The following PTPRM variants were observed in gnomAD, a reference collection of about 807,000 sequenced individuals.
PTPRM encodes receptor-type tyrosine-protein phosphatase mu.
A neutral mutation model predicts 186.7 loss-of-function variants in PTPRM; 47 were observed. That is an observed-to-expected ratio of 0.25 (90% CI 0.20 to 0.32). The LOEUF is 0.32. PTPRM is among the 10% of genes least tolerant of loss of function. PTPRM has a pLI of 1.00. For synonymous variants in PTPRM, 668 were observed against 674.9 expected (o/e 0.99, Z 0.16); for missense variants, 1,494 against 1,865.0 (o/e 0.80, Z 3.66).
chr18:7,899,070 A>C (rs1449255134), intron 3 of PTPRM, among the ~76,000 whole-genome samples: 1 of 152,138 alleles, frequency 6.6e-6, no homozygotes, highest in Non-Finnish European at 1.5e-5. Flanking sequence ...CGCTTCTAAC[A>C]TGTGTATTTT....
chr18:7,673,582 A>G (rs1217561452), intron 1 of PTPRM, among the ~76,000 whole-genome samples: 1 of 152,226 alleles, frequency 6.6e-6, no homozygotes, highest in Non-Finnish European at 1.5e-5. Flanking sequence ...GAAAAAGATG[A>G]GAGAAAAAGG....
chr18:8,287,989 C>A lies in PTPRM; in HGVS notation c.2755-8379C>A, dbSNP rs192330475. On this transcript the variant is annotated intron_variant, in intron 19 of 32. Coordinates refer to ENST00000580170, the MANE Select transcript of PTPRM (RefSeq NM_001105244.2). ...AAGGGCACTGCAGTGAGAACAGGGG[C>A]AGATCCAAGTTCCAGAATCTTCAAA... Among the ~76,000 whole-genome samples the A allele has an allele frequency of 2.0e-5, 3 of 152,278 alleles. No homozygotes were observed. The East Asian group carries it at 5.8e-4, about 29-fold the overall frequency.
intron 9 of PTPRM, among the ~76,000 whole-genome samples, chr18:8,083,923 G>T (rs1446790776): frequency 1.3e-5 from 2 of 152,140 alleles, no homozygotes; most frequent in African/African-American, 4.8e-5. Context: ...AGTAAGTTTG[G>T]AGAAGGTGAG....
intron 23 of PTPRM, chr18:8,361,025 A>G (rs2095594335): frequency 6.6e-6 from 1 of 152,198 alleles, no homozygotes; most frequent in African/African-American, 2.4e-5. Flanking sequence ...AGGATTGGGC[A>G]GGTCATATAT....
chr18:8,333,592 T>C (rs1236354433), intron 22 of PTPRM, among the ~76,000 whole-genome samples: 2 of 152,210 alleles, frequency 1.3e-5, no homozygotes, highest in Admixed American at 6.5e-5. Flanking sequence ...TAACCCTTAT[T>C]ATAGATTATC....
At position 8,370,921 on chromosome 18, in the gene PTPRM, C is replaced by G; in HGVS notation, c.3086C>G (p.Thr1029Arg). The G allele has an allele frequency of 6.2e-7, 1 of 1,603,510 alleles. No individual in the cohort carries two copies. The highest frequency in any genetic ancestry group is 8.5e-7 in the Non-Finnish European group (1 of 1,172,402). ...TGCTGCAAATACTGGCCAGATGACA[C>G]AGAGATATATAAAGACATTAAAGTT... ...VKCCKYWPDDTEIYKDIKVTL... is the reference protein window; with the variant it reads ...VKCCKYWPDDREIYKDIKVTL... Residue 1029 changes from threonine (T) to arginine (R), a missense_variant, in exon 24 of 33, where the codon ACA (threonine) becomes AGA (arginine). Coordinates refer to ENST00000580170, the MANE Select transcript of PTPRM (RefSeq NM_001105244.2).
chr18:7,604,854 G>A (rs1244978383), intron 1 of PTPRM, among the ~76,000 whole-genome samples: 1 of 152,188 alleles, frequency 6.6e-6, no homozygotes, highest in Non-Finnish European at 1.5e-5. Context: ...TTCTAATTTA[G>A]TGTTGGATGG....
chr18:7,874,780 G>A (rs2048151182), intron 2 of PTPRM, among the ~76,000 whole-genome samples: 1 of 152,182 alleles, frequency 6.6e-6, no homozygotes, highest in South Asian at 2.1e-4. Context: ...ACCTACCTAA[G>A]GGAATAAATC....
At chr18:7,856,939 G>A (rs1188550865) in intron 2 of PTPRM, among the ~76,000 whole-genome samples, 1 of 152,184 alleles carries the variant, frequency 6.6e-6, no homozygotes, top group Non-Finnish European at 1.5e-5. Flanking sequence ...CAAAATGGGA[G>A]CATTATCTCC....
intron 13 of PTPRM, among the ~76,000 whole-genome samples, chr18:8,143,076 C>A (rs932382205): frequency 9.9e-5 from 15 of 152,166 alleles, no homozygotes; most frequent in African/African-American, 3.1e-4. Flanking sequence ...TAGAAGGAGT[C>A]TTTTGCCTAC....
chr18:8,014,200 GAA>G (rs2084713932), intron 7 of PTPRM, among the ~76,000 whole-genome samples: 1 of 151,574 alleles, frequency 6.6e-6, no homozygotes, highest in Non-Finnish European at 1.5e-5. Flanking sequence ...TCAATTTTTT[GAA>G]AAAAATTTAT....
intron 1 of PTPRM, among the ~76,000 whole-genome samples, chr18:7,753,929 C>T (rs945083586): frequency 6.6e-6 from 1 of 152,064 alleles, no homozygotes; most frequent in Admixed American, 6.6e-5. Flanking sequence ...CCTTTTCCCC[C>T]CTTCTCCACT....
intron 13 of PTPRM, among the ~76,000 whole-genome samples, chr18:8,115,611 C>A (rs191195933): frequency 6.6e-6 from 1 of 152,306 alleles, no homozygotes; most frequent in East Asian, 1.9e-4. Context: ...TCATTTAGAT[C>A]ATTGGAGTAA....
At chr18:7,884,979 G>A (rs2048712471) in intron 2 of PTPRM, among the ~76,000 whole-genome samples, 1 of 143,130 alleles carries the variant, frequency 7.0e-6, no homozygotes, top group Admixed American at 7.0e-5. Context: ...CAGATCTTGT[G>A]AGAAGAACAG....
Position 8,283,501 on chromosome 18 carries a change from C to G in PTPRM, c.2755-12867C>G, listed in dbSNP as rs895081187. On this transcript the variant is annotated intron_variant, in intron 19 of 32. Transcript: ENST00000580170. ...TTACAACTGTAATGACAAAATGAGGCAAGGATTTATGTCAATTAACAGGCT... is the reference window on the plus strand; with the variant it reads ...TTACAACTGTAATGACAAAATGAGGGAAGGATTTATGTCAATTAACAGGCT... 3.9e-5 allele frequency among the ~76,000 whole-genome samples: 6 copies of G among 152,184 alleles called. No individual in the cohort carries two copies. In the East Asian group the frequency reaches 5.8e-4, roughly 15 times the overall value.
intron 1 of PTPRM, among the ~76,000 whole-genome samples, chr18:7,624,934 C>A (rs1228958118): frequency 6.6e-6 from 1 of 152,122 alleles, no homozygotes; most frequent in East Asian, 1.9e-4. Context: ...GTGTGGCGAG[C>A]CTAATGTGTG....
At chr18:8,396,035 C>T (rs1021899285) in intron 32 of PTPRM, among the ~76,000 whole-genome samples, 4 of 152,180 alleles carry the variant, frequency 2.6e-5, no homozygotes, top group Non-Finnish European at 5.9e-5. Context: ...GGCAGAAGGG[C>T]TCTAAGTGCC....
At chr18:7,937,207 C>T (rs534622321) in intron 5 of PTPRM, among the ~76,000 whole-genome samples, 2 of 152,300 alleles carry the variant, frequency 1.3e-5, no homozygotes, top group African/African-American at 4.8e-5. Flanking sequence ...TTGCTCACCA[C>T]GTTGTGGGTG....
intron 20 of PTPRM, among the ~76,000 whole-genome samples, chr18:8,296,837 A>G (rs1020510308): frequency 1.4e-4 from 21 of 152,240 alleles, no homozygotes; most frequent in Non-Finnish European, 7.3e-5. Flanking sequence ...CTCAGCAAAC[A>G]TTAACTCATT....
Sources: allele counts gnomAD v4.1 joint callset (sites outside exome capture counted in the v4.1 genomes callset), GRCh38; gene constraint gnomAD v4.1.1; transcripts MANE v1.5; gene names NCBI Gene and HGNC (gene_info 2026-07-23, HGNC 2026-07-21).